Variants in CDH4 observed in about 807,000 individuals in gnomAD.
The protein encoded by CDH4 is cadherin 4, also known as cadherin-4.
Under a neutral mutation model 86.0 loss-of-function variants are expected in CDH4, and 33 were observed. The observed-to-expected ratio is 0.38, with a 90% confidence interval of 0.29 to 0.51. CDH4 has a LOEUF of 0.51. CDH4 is among the 20% of genes least tolerant of loss of function. The probability of loss-of-function intolerance (pLI) is 0.86; values close to 1 mark genes in which losing one functional copy is unlikely to be tolerated. For synonymous variants in CDH4, 555 were observed against 549.4 expected (o/e 1.01, Z -0.14); for missense variants, 1,114 against 1,307.4 (o/e 0.85, Z 2.28).
chr20:61,909,174 AG>A, intron 8 of CDH4, among the ~76,000 whole-genome samples: 1 of 152,296 alleles, frequency 6.6e-6, no homozygotes, highest in African/African-American at 2.4e-5. Context: ...TCCCGGTGGA[AG>A]GGGAGCAGAG....
Position 61,882,908 on chromosome 20 carries a change from C to A in CDH4, c.1050+9008C>A, listed in dbSNP as rs189858335. Reference sequence around the variant, plus strand: ...TCTCTTTTATGTCCACTGTCTCCCCCACACCCGACGGAAGCCACTCAGACC... The same window carrying A: ...TCTCTTTTATGTCCACTGTCTCCCCAACACCCGACGGAAGCCACTCAGACC... On this transcript the variant is annotated intron_variant, in intron 7 of 15. Transcript: ENST00000614565. Among the ~76,000 whole-genome samples the A allele has an allele frequency of 3.3e-5, 5 of 152,082 alleles. No individual in the cohort carries two copies. The East Asian group carries it at 7.8e-4, about 24-fold the overall frequency.
rs1258431943 is a variant in CDH4, at chr20:61,443,948, G to A, written c.169+189011G>A. Among the ~76,000 whole-genome samples, 193 of 104,450 alleles carry A rather than the reference G, an allele frequency of 1.8e-3. 1 individual carries two copies. Among genetic ancestry groups the A allele is most frequent in the Non-Finnish European group, 2.6e-3 (140 of 53,130 alleles). The allele number at this position is 104,450 out of a possible 152,430, so 68.5% of individuals were successfully genotyped here. ...TGTGTGTGTCTTTGTGGATATCTGT[G>A]TGTGTGTCTGTGTGTGTATCTGTGT... On this transcript the variant is annotated intron_variant, in intron 2 of 15. Transcript: ENST00000614565.
chr20:61,403,499 G>C (rs796570930), intron 2 of CDH4, among the ~76,000 whole-genome samples: 1 of 152,178 alleles, frequency 6.6e-6, no homozygotes, highest in East Asian at 1.9e-4. Flanking sequence ...ATGTTCTGGA[G>C]AGTGGCCACT....
At chr20:61,700,758 GTCT>G (rs964768262) in intron 2 of CDH4, among the ~76,000 whole-genome samples, 44 of 152,312 alleles carry the variant, frequency 2.9e-4, no homozygotes, top group Middle Eastern at 3.4e-3. Flanking sequence ...TCTTCTTCAT[GTCT>G]TCTTCATGTC....
Position 61,417,601 on chromosome 20 carries a change from G to A in CDH4, c.169+162664G>A, listed in dbSNP as rs1436136755. Among the ~76,000 whole-genome samples, 1 of 152,194 alleles carries A rather than the reference G, an allele frequency of 6.6e-6. No homozygotes were observed. Among genetic ancestry groups the A allele is most frequent in the East Asian group, 1.9e-4 (1 of 5,190 alleles). On this transcript the variant is annotated intron_variant, in intron 2 of 15. Transcript: ENST00000614565. The surrounding 1 kb of genome is among the most constrained non-coding windows in gnomAD (Gnocchi z 4.0). The stretch of plus-strand genomic sequence containing the variant: ...CTGTTTCTGGCTGGAATGCATTTCT[G>A]TATCGCTATCTAGCAGGGCTGTAAA...
At chr20:61,680,470 G>C (rs1181935084) in intron 2 of CDH4, among the ~76,000 whole-genome samples, 1 of 152,134 alleles carries the variant, frequency 6.6e-6, no homozygotes, top group Non-Finnish European at 1.5e-5. Context: ...GAAACAAGAC[G>C]GTCACTCAGG....
chr20:61,366,803 T>C (rs972460954), intron 2 of CDH4, among the ~76,000 whole-genome samples: 22 of 152,204 alleles, frequency 1.4e-4, no homozygotes, highest in Non-Finnish European at 2.9e-4. Context: ...CATGAACATG[T>C]CTCAGTGCTG....
intron 2 of CDH4, among the ~76,000 whole-genome samples, chr20:61,542,274 A>C (rs1033577238): frequency 6.6e-6 from 1 of 152,112 alleles, no homozygotes; most frequent in Non-Finnish European, 1.5e-5. Context: ...TGACCTTCAC[A>C]TGTGGCCAGG....
At chr20:61,542,099 A>G (rs1343060160) in intron 2 of CDH4, among the ~76,000 whole-genome samples, 3 of 152,204 alleles carry the variant, frequency 2.0e-5, no homozygotes, top group South Asian at 2.1e-4. Flanking sequence ...CCATACCCAG[A>G]GGGCAGCTGG....
At chr20:61,343,934 AT>A (rs1228238533) in intron 2 of CDH4, among the ~76,000 whole-genome samples, 1 of 152,154 alleles carries the variant, frequency 6.6e-6, no homozygotes, top group Non-Finnish European at 1.5e-5. Flanking sequence ...TAAAAAAAAA[AT>A]AAACACTGAA....
At chr20:61,897,560 A>AC (rs1985189601) in intron 8 of CDH4, among the ~76,000 whole-genome samples, 1 of 151,830 alleles carries the variant, frequency 6.6e-6, no homozygotes, top group Admixed American at 6.6e-5. Context: ...CTGACCAGCC[A>AC]CCCCCACTGA....
At chr20:61,673,116 A>T (rs1371508941) in intron 2 of CDH4, among the ~76,000 whole-genome samples, 2 of 152,142 alleles carry the variant, frequency 1.3e-5, no homozygotes, top group African/African-American at 4.8e-5. Flanking sequence ...TGGAAAGACA[A>T]GGAAGGGCTT....
At chr20:61,777,352 T>C (rs965085586) in intron 4 of CDH4, among the ~76,000 whole-genome samples, 2 of 152,230 alleles carry the variant, frequency 1.3e-5, no homozygotes, top group African/African-American at 4.8e-5. Context: ...AGTTGGAATT[T>C]GGCAGAAACG....
intron 2 of CDH4, among the ~76,000 whole-genome samples, chr20:61,263,708 G>T (rs577908078): frequency 6.6e-6 from 1 of 152,318 alleles, no homozygotes; most frequent in African/African-American, 2.4e-5. Context: ...TTATTATCTT[G>T]TGGTTCTGAA....
At chr20:61,495,424 G>A (rs1442085228) in intron 2 of CDH4, among the ~76,000 whole-genome samples, 1 of 152,164 alleles carries the variant, frequency 6.6e-6, no homozygotes, top group Admixed American at 6.5e-5. Context: ...CTTATCCTGA[G>A]AGGTCGCCCA....
intron 2 of CDH4, chr20:61,370,594 G>C (rs2123334367): frequency 6.6e-6 from 1 of 152,328 alleles, no homozygotes; most frequent in African/African-American, 2.4e-5. Context: ...GCCAGGAAGG[G>C]CTTTTGACAT....
intron 2 of CDH4, among the ~76,000 whole-genome samples, chr20:61,310,815 C>T (rs902219493): frequency 3.3e-5 from 5 of 152,304 alleles, no homozygotes; most frequent in East Asian, 1.9e-4. Context: ...TTTCCTTCTG[C>T]GTGTCTGCGT....
chr20:61,590,894 G>A (rs1251140044), intron 2 of CDH4, among the ~76,000 whole-genome samples: 1 of 139,480 alleles, frequency 7.2e-6, no homozygotes, highest in East Asian at 2.2e-4. Flanking sequence ...GGGGTCCCCG[G>A]GTCTCCAGGC....
chr20:61,916,542 A>C (rs890944450), intron 9 of CDH4, among the ~76,000 whole-genome samples: 6 of 152,148 alleles, frequency 3.9e-5, no homozygotes, highest in Admixed American at 3.9e-4. Context: ...CATCATCATC[A>C]TCCTCATCGT....
Sources: allele counts gnomAD v4.1 joint callset (sites outside exome capture counted in the v4.1 genomes callset), GRCh38; gene constraint gnomAD v4.1.1; non-coding constraint Gnocchi (gnomAD v3.1); transcripts MANE v1.5; gene names NCBI Gene and HGNC (gene_info 2026-07-23, HGNC 2026-07-21).